The following NPAS3 variants were observed in gnomAD, a reference collection of about 807,000 sequenced individuals.
NPAS3 encodes the protein neuronal PAS domain protein 3.
NPAS3 carries 14 observed loss-of-function variants against 73.1 expected under a neutral mutation model. The ratio of observed to expected loss-of-function variants is 0.19; its 90% CI spans 0.13 to 0.30. The LOEUF (loss-of-function observed/expected upper bound fraction) is 0.30. Ranked by LOEUF, NPAS3 falls within the 10% of genes least tolerant of loss-of-function variation. NPAS3 has a pLI of 1.00. For missense variants in NPAS3, 1,096 were observed against 1,250.0 expected, an observed-to-expected ratio of 0.88 and a Z score of 1.86; for synonymous variants, 620 against 541.5, an observed-to-expected ratio of 1.14 and a Z score of -2.01.
rs368525617 is a variant in NPAS3, at chr14:33,726,432, A to C, written c.734-8782A>C. ...CTGTCCAAATAATAGCTTTCTGTAA[A>C]GCCTTTTACCAATCTGGAGCCATAA... On this transcript the variant is annotated intron_variant, in intron 6 of 11. Transcript: ENST00000356141. Among the ~76,000 whole-genome samples the C allele has an allele frequency of 7.2e-5, 11 of 152,192 alleles. No homozygotes were observed. In the East Asian group the frequency reaches 1.2e-3, roughly 16 times the overall value.
At chr14:33,442,079 C>T (rs574813571) in intron 4 of NPAS3, among the ~76,000 whole-genome samples, 9 of 152,222 alleles carry the variant, frequency 5.9e-5, no homozygotes, top group Middle Eastern at 3.4e-3. Flanking sequence ...GCAGATTTCT[C>T]GATGTACTAC....
chr14:32,960,790 G>A (rs948335745), intron 1 of NPAS3, among the ~76,000 whole-genome samples: 32 of 152,150 alleles, frequency 2.1e-4, no homozygotes, highest in African/African-American at 5.3e-4. Flanking sequence ...ACCTAGCAGT[G>A]ATCATTTAAG....
chr14:33,587,974 T>C (rs566203844), intron 5 of NPAS3, among the ~76,000 whole-genome samples: 7 of 152,206 alleles, frequency 4.6e-5, no homozygotes, highest in Admixed American at 2.6e-4. Flanking sequence ...TGATTTCTGT[T>C]ACCAGGGACA....
At chr14:33,404,722 T>C (rs1566872359) in intron 4 of NPAS3, among the ~76,000 whole-genome samples, 1 of 152,086 alleles carries the variant, frequency 6.6e-6, no homozygotes, top group Non-Finnish European at 1.5e-5. Flanking sequence ...CTGAAAAGAA[T>C]ATATAATGGA....
At chr14:33,661,615 T>C (rs1220056877) in intron 5 of NPAS3, among the ~76,000 whole-genome samples, 1 of 152,252 alleles carries the variant, frequency 6.6e-6, no homozygotes, top group Non-Finnish European at 1.5e-5. Flanking sequence ...AAACTTATTG[T>C]GAAGACACTT....
intron 2 of NPAS3, among the ~76,000 whole-genome samples, chr14:33,117,137 G>A (rs567157606): frequency 2.0e-5 from 3 of 151,936 alleles, no homozygotes; most frequent in South Asian, 2.1e-4. Flanking sequence ...CATATATGCT[G>A]TATAATCATC....
At chr14:33,759,005 T>C (rs1242236928) in intron 7 of NPAS3, among the ~76,000 whole-genome samples, 1 of 152,168 alleles carries the variant, frequency 6.6e-6, no homozygotes, top group Non-Finnish European at 1.5e-5. Context: ...GGAAAATCGG[T>C]CAATTAAAAA....
rs1019050092 is a variant in NPAS3 at position 33,407,691 on chromosome 14, G to A, written c.468+40423G>A. ...GTGCCTTTATTTTTCTCCGCTCTCC[G>A]TTTTCCCCACCTTCTCATTTTTTTT... On this transcript the variant is annotated intron_variant, in intron 4 of 11. Transcript: ENST00000356141. Among the ~76,000 whole-genome samples, 9 of 151,896 alleles carry A rather than the reference G, an allele frequency of 5.9e-5. No homozygotes were observed. In the East Asian group the frequency reaches 1.4e-3, roughly 23 times the overall value.
chr14:32,989,740 A>G (rs2038253638), intron 1 of NPAS3, among the ~76,000 whole-genome samples: 1 of 152,356 alleles, frequency 6.6e-6, no homozygotes, highest in Middle Eastern at 3.4e-3. Flanking sequence ...TTCCTATCAC[A>G]ATACCTGTGA....
chr14:33,353,437 T>C (rs2140356314), intron 3 of NPAS3, among the ~76,000 whole-genome samples: 1 of 152,332 alleles, frequency 6.6e-6, no homozygotes, highest in South Asian at 2.1e-4. Flanking sequence ...GTAACTCCTC[T>C]ATTTATGACA....
chr14:32,997,779 AG>A (rs1292895819), intron 1 of NPAS3, among the ~76,000 whole-genome samples: 3 of 150,958 alleles, frequency 2.0e-5, no homozygotes, highest in Admixed American at 1.3e-4. Flanking sequence ...AAAAAAAAAA[AG>A]ATGTGACTTG....
intron 4 of NPAS3, among the ~76,000 whole-genome samples, chr14:33,442,597 T>G (rs539949628): frequency 1.3e-5 from 2 of 152,318 alleles, no homozygotes; most frequent in African/African-American, 4.8e-5. Context: ...GATGCTTTTG[T>G]AAGGGGCTTC....
chr14:33,270,511 G>A (rs543932671), intron 3 of NPAS3, among the ~76,000 whole-genome samples: 2 of 152,188 alleles, frequency 1.3e-5, no homozygotes, highest in East Asian at 3.9e-4. Context: ...GGGAGAGAGG[G>A]AAGAAGAGAG....
chr14:33,006,064 C>G (rs2038992223), intron 1 of NPAS3, among the ~76,000 whole-genome samples: 1 of 152,166 alleles, frequency 6.6e-6, no homozygotes, highest in South Asian at 2.1e-4. Flanking sequence ...ACATTGACCA[C>G]TTCCTTCATC....
At chr14:33,490,591 A>G (rs2051845508) in intron 4 of NPAS3, among the ~76,000 whole-genome samples, 2 of 152,146 alleles carry the variant, frequency 1.3e-5, no homozygotes, top group Non-Finnish European at 2.9e-5. Flanking sequence ...AGCTTCTGCA[A>G]CCAGACCTCG....
intron 1 of NPAS3, among the ~76,000 whole-genome samples, chr14:32,939,623 C>CAAAAAAA (rs752795909): frequency 2.7e-5 from 3 of 110,236 alleles, no homozygotes; most frequent in Non-Finnish European, 5.3e-5. Context: ...GACTCACTGA[C>CAAAAAAA]AAAAAAAAAA....
rs918614249 is a variant in NPAS3 at position 33,800,642 on chromosome 14, A to G, written c.2335A>G (p.Ser779Gly). The G allele has an allele frequency of 1.4e-6, 2 of 1,444,168 alleles. No homozygotes were observed. Among genetic ancestry groups the G allele is most frequent in the African/African-American group, 3.0e-5 (2 of 66,642 alleles). The allele number at this position is 1,444,168 out of a possible 1,614,324, so 89.5% of individuals were successfully genotyped here. The change falls in exon 12 of 12, where the codon AGC becomes GGC. Residue 779 changes from serine (S) to glycine (G), a missense_variant. Ser to Gly is a moderately conservative substitution (Grantham distance 56). Around this residue, in one of 5 missense-constraint regions of NPAS3, gnomAD observed 698 missense variants for 676.7 expected, o/e 1.03. Coordinates refer to ENST00000356141, the Ensembl canonical transcript of NPAS3. This position sits in a 1 kb window ranked among gnomAD's most constrained non-coding sequence, Gnocchi z 6.5. ...CGGCGGCGCGGGGGGCGGCGGCCCC[A>G]GCGCGTCCAACTCCTTGCTGTACAC...
intron 2 of NPAS3, among the ~76,000 whole-genome samples, chr14:33,092,653 A>C (rs550816012): frequency 2.0e-5 from 3 of 152,326 alleles, no homozygotes; most frequent in African/African-American, 7.2e-5. Context: ...AAGAGCCCGC[A>C]TTGCCAAGTC....
chr14:33,547,139 ATACAAG>A (rs1313244442), intron 4 of NPAS3, among the ~76,000 whole-genome samples: 1 of 152,150 alleles, frequency 6.6e-6, no homozygotes, highest in Non-Finnish European at 1.5e-5. Context: ...TTGCTTTGGG[ATACAAG>A]TCTTCCATTT....
Sources: gnomAD v4.1 joint callset for allele counts (sites outside exome capture counted in the v4.1 genomes callset) on GRCh38, gnomAD v4.1.1 for gene constraint, gnomAD v4.1.1 regional missense constraint, Gnocchi (gnomAD v3.1) non-coding constraint, MANE v1.5 for transcripts, NCBI Gene and HGNC (gene_info 2026-07-23, HGNC 2026-07-21) for gene names.